The following CTNNA2 variants were observed in gnomAD, a reference collection of about 807,000 sequenced individuals.
CTNNA2 encodes the protein catenin alpha-2.
CTNNA2 carries 42 observed loss-of-function variants against 101.0 expected under a neutral mutation model. The observed-to-expected ratio is 0.42, with a 90% confidence interval of 0.32 to 0.54. The LOEUF is 0.54. Among genes scored for constraint, CTNNA2 ranks in the 20% least tolerant of loss-of-function variants. The pLI is 0.14. For missense variants in CTNNA2, 871 were observed against 1,223.1 expected, an observed-to-expected ratio of 0.71 and a Z score of 4.29; for synonymous variants, 450 against 456.4, an observed-to-expected ratio of 0.99 and a Z score of 0.18.
At chr2:80,202,840 T>C (rs1707289360) in intron 7 of CTNNA2, among the ~76,000 whole-genome samples, 1 of 152,166 alleles carries the variant, frequency 6.6e-6, no homozygotes, top group African/African-American at 2.4e-5. Flanking sequence ...TGTATTAGTC[T>C]GTTTTCACAC....
chr2:80,545,928 C>G lies in CTNNA2; in HGVS notation c.1405C>G (p.Leu469Val). 2 of 1,614,044 alleles carry G rather than the reference C, an allele frequency of 1.2e-6. No homozygotes were observed. Among genetic ancestry groups the G allele is most frequent in the South Asian group, 2.2e-5 (2 of 91,080 alleles). Residue 469 changes from leucine (L) to valine (V), a missense_variant, in exon 11 of 19, where the codon CTG (leucine) becomes GTG (valine). This residue lies in a region of CTNNA2 where 647 missense variants were observed against 831.5 expected (regional missense o/e 0.78). Coordinates refer to ENST00000402739, the MANE Select transcript of CTNNA2 (RefSeq NM_001282597.3). ...ATAGGTCATCAATGCCGCTCTGACACTGGCTGCCCGGCCACAGAGCAAAGT... is the reference window on the plus strand; with the variant it reads ...ATAGGTCATCAATGCCGCTCTGACAGTGGCTGCCCGGCCACAGAGCAAAGT... ...CPQVINAALTLAARPQSKVAQ... is the reference protein window; with the variant it reads ...CPQVINAALTVAARPQSKVAQ...
chr2:80,535,865 A>G (rs1690965257), intron 9 of CTNNA2, among the ~76,000 whole-genome samples: 3 of 152,176 alleles, frequency 2.0e-5, no homozygotes, highest in Admixed American at 2.0e-4. Flanking sequence ...AAATGATTCC[A>G]TAATACCTCA....
chr2:80,423,989 A>T (rs920682462), intron 9 of CTNNA2, among the ~76,000 whole-genome samples: 5 of 151,712 alleles, frequency 3.3e-5, no homozygotes, highest in Admixed American at 2.0e-4. Context: ...GGAGTCTCGC[A>T]CTGTCGCCTG....
At chr2:80,632,624 G>T (rs1375657073) in intron 18 of CTNNA2, among the ~76,000 whole-genome samples, 1 of 152,122 alleles carries the variant, frequency 6.6e-6, no homozygotes, top group Non-Finnish European at 1.5e-5. Flanking sequence ...ACTTCTTTTA[G>T]AAGTACTTTT....
intron 3 of CTNNA2, among the ~76,000 whole-genome samples, chr2:79,746,306 A>G (rs991453834): frequency 6.6e-6 from 1 of 152,150 alleles, no homozygotes; most frequent in African/African-American, 2.4e-5. Flanking sequence ...TCTGGATATT[A>G]GCATCTTATC....
At chr2:79,626,973 G>A (rs545941496) in intron 1 of CTNNA2, among the ~76,000 whole-genome samples, 2 of 152,252 alleles carry the variant, frequency 1.3e-5, no homozygotes, top group South Asian at 2.1e-4. Context: ...AGCATCGATT[G>A]TGACTCTGAT....
At chr2:79,301,622 A>G (rs1676110206) in intron 2 of CTNNA2, among the ~76,000 whole-genome samples, 1 of 152,088 alleles carries the variant, frequency 6.6e-6, no homozygotes, top group African/African-American at 2.4e-5. Flanking sequence ...ATCACCTGGC[A>G]TATACCATAT....
At chr2:80,490,148 T>C (rs1686924888) in intron 9 of CTNNA2, among the ~76,000 whole-genome samples, 1 of 152,200 alleles carries the variant, frequency 6.6e-6, no homozygotes, top group South Asian at 2.1e-4. Context: ...AATTAGAATG[T>C]CAATTACAAA....
At chr2:80,355,469 C>G (rs77518357) in intron 7 of CTNNA2, among the ~76,000 whole-genome samples, 3 of 152,282 alleles carry the variant, frequency 2.0e-5, no homozygotes, top group African/African-American at 7.2e-5. Context: ...GATAGGGATG[C>G]CAACTCGACT....
intron 7 of CTNNA2, among the ~76,000 whole-genome samples, chr2:80,358,458 C>A (rs1311077077): frequency 6.8e-6 from 1 of 146,878 alleles, no homozygotes; most frequent in African/African-American, 2.5e-5. Context: ...TCAAGCAATT[C>A]TCCTGCCTCA....
At chr2:80,094,010 T>A (rs1269496440) in intron 7 of CTNNA2, among the ~76,000 whole-genome samples, 1 of 152,190 alleles carries the variant, frequency 6.6e-6, no homozygotes, top group African/African-American at 2.4e-5. Context: ...TTTAGTTTAA[T>A]TAGATCCCAT....
intron 2 of CTNNA2, among the ~76,000 whole-genome samples, chr2:79,727,277 A>G (rs1337391558): frequency 6.6e-6 from 1 of 152,210 alleles, no homozygotes. Flanking sequence ...ATGAAAACCA[A>G]AGAAAGTGTA....
intron 7 of CTNNA2, among the ~76,000 whole-genome samples, chr2:80,261,996 C>G (rs1337195234): frequency 6.6e-6 from 1 of 151,840 alleles, no homozygotes; most frequent in African/African-American, 2.4e-5. Context: ...GAAGTGTATT[C>G]TGTTAGTGCA....
chr2:79,610,945 A>G (rs536407893), intron 1 of CTNNA2, among the ~76,000 whole-genome samples: 24 of 152,276 alleles, frequency 1.6e-4, no homozygotes, highest in African/African-American at 5.3e-4. Context: ...ACACAAAACA[A>G]TGGAATGGAT....
intron 2 of CTNNA2, among the ~76,000 whole-genome samples, chr2:79,257,012 G>T (rs1401388237): frequency 6.6e-6 from 1 of 152,106 alleles, no homozygotes; most frequent in Non-Finnish European, 1.5e-5. Flanking sequence ...ATAAGGTGAG[G>T]TTCTGGATCT....
intron 3 of CTNNA2, among the ~76,000 whole-genome samples, chr2:79,853,413 G>A (rs531178808): frequency 1.3e-5 from 2 of 152,232 alleles, no homozygotes; most frequent in Admixed American, 1.3e-4. Flanking sequence ...ACAATTCTGA[G>A]GTTTTCATTT....
chr2:80,068,401 G>A (rs1698115441), intron 7 of CTNNA2, among the ~76,000 whole-genome samples: 1 of 152,166 alleles, frequency 6.6e-6, no homozygotes, highest in Non-Finnish European at 1.5e-5. Context: ...GCTCTTTGTG[G>A]GAAACATGCA....
At chr2:80,534,830 C>T (rs1690859144) in intron 9 of CTNNA2, among the ~76,000 whole-genome samples, 1 of 152,134 alleles carries the variant, frequency 6.6e-6, no homozygotes, top group Non-Finnish European at 1.5e-5. Context: ...AGAAATTTCA[C>T]TTCCGACAGG....
intron 7 of CTNNA2, among the ~76,000 whole-genome samples, chr2:79,949,363 G>A (rs148890441): frequency 6.6e-6 from 1 of 152,268 alleles, no homozygotes; most frequent in Non-Finnish European, 1.5e-5. Flanking sequence ...TAGACTGATT[G>A]TTTTATGCAG....
Sources: allele counts gnomAD v4.1 joint callset (sites outside exome capture counted in the v4.1 genomes callset), GRCh38; gene constraint gnomAD v4.1.1; regional missense constraint gnomAD v4.1.1; transcripts MANE v1.5; gene names NCBI Gene and HGNC (gene_info 2026-07-23, HGNC 2026-07-21).